MAGI2: variants seen among roughly 807,000 people sequenced by gnomAD.
MAGI2 encodes the protein membrane-associated guanylate kinase, WW and PDZ domain-containing protein 2.
Under a neutral mutation model 133.3 loss-of-function variants are expected in MAGI2, and 35 were observed. That is an observed-to-expected ratio of 0.26 (90% confidence interval 0.20 to 0.35). The LOEUF (loss-of-function observed/expected upper bound fraction) is 0.35. MAGI2 is among the 10% of genes least tolerant of loss of function. MAGI2 has a pLI of 1.00. For synonymous variants in MAGI2, 729 were observed against 710.6 expected (o/e 1.03, Z -0.41); for missense variants, 1,636 against 1,863.4 (o/e 0.88, Z 2.25).
At chr7:78,371,845 A>T (rs1349940502) in intron 6 of MAGI2, among the ~76,000 whole-genome samples, 1 of 152,070 alleles carries the variant, frequency 6.6e-6, no homozygotes, top group Non-Finnish European at 1.5e-5. Flanking sequence ...TGTCATACAC[A>T]TTTGTGTTTT....
chr7:78,635,309 C>A (rs1399015322), intron 2 of MAGI2, among the ~76,000 whole-genome samples: 1 of 152,206 alleles, frequency 6.6e-6, no homozygotes. Flanking sequence ...AAGAAAAGGG[C>A]ATTTGTGGTA....
intron 1 of MAGI2, among the ~76,000 whole-genome samples, chr7:79,060,919 A>C (rs1250410882): frequency 1.3e-5 from 2 of 152,296 alleles, no homozygotes; most frequent in East Asian, 3.9e-4. Context: ...TACTCTGTGG[A>C]TTCAAAAGCC....
At chr7:79,190,008 T>C (rs75456355) in intron 1 of MAGI2, among the ~76,000 whole-genome samples, 8,468 of 151,952 alleles carry the variant, frequency 0.056, 497 homozygotes, top group African/African-American at 0.13. Flanking sequence ...TACCACAGTT[T>C]GTTCATATAT....
At chr7:79,316,943 T>A (rs1225249570) in intron 1 of MAGI2, among the ~76,000 whole-genome samples, 2 of 151,482 alleles carry the variant, frequency 1.3e-5, no homozygotes, top group African/African-American at 4.8e-5. Flanking sequence ...CAGGAGCCCA[T>A]GTTCTTTCTA....
At chr7:79,204,070 G>C (rs1052225807) in intron 1 of MAGI2, among the ~76,000 whole-genome samples, 4 of 152,038 alleles carry the variant, frequency 2.6e-5, no homozygotes, top group African/African-American at 4.8e-5. Flanking sequence ...CCACAGCACA[G>C]AGAGAGATAC....
chr7:78,566,216 G>A (rs1215855311), intron 3 of MAGI2, among the ~76,000 whole-genome samples: 1 of 152,138 alleles, frequency 6.6e-6, no homozygotes, highest in Non-Finnish European at 1.5e-5. Flanking sequence ...GCGTGCTCAG[G>A]AAATGGGAAG....
At chr7:78,261,749 T>C (rs1055077499) in intron 9 of MAGI2, among the ~76,000 whole-genome samples, 2 of 152,180 alleles carry the variant, frequency 1.3e-5, no homozygotes, top group African/African-American at 2.4e-5. Flanking sequence ...GGATTATTTT[T>C]AAAGTTTCCT....
At chr7:78,796,291 A>G (rs1481791042) in intron 2 of MAGI2, among the ~76,000 whole-genome samples, 1 of 152,184 alleles carries the variant, frequency 6.6e-6, no homozygotes, top group African/African-American at 2.4e-5. Context: ...TCAGTAGTAA[A>G]AAAGCAAATA....
chr7:79,450,633 T>C (rs904445831), intron 1 of MAGI2, among the ~76,000 whole-genome samples: 3 of 152,082 alleles, frequency 2.0e-5, no homozygotes, highest in Admixed American at 6.6e-5. Flanking sequence ...AATATATCAC[T>C]TTAGAAGCAT....
chr7:78,667,523 A>G (rs1813754449), intron 2 of MAGI2, among the ~76,000 whole-genome samples: 1 of 151,174 alleles, frequency 6.6e-6, no homozygotes, highest in Non-Finnish European at 1.5e-5. Flanking sequence ...TATATCTCCT[A>G]ATGCTATCCC....
chr7:78,395,826 G>A (rs1796300978), intron 6 of MAGI2, among the ~76,000 whole-genome samples: 2 of 152,126 alleles, frequency 1.3e-5, no homozygotes, highest in Admixed American at 6.6e-5. Context: ...CATCTTAAAT[G>A]TTTCTTTTGG....
intron 6 of MAGI2, among the ~76,000 whole-genome samples, chr7:78,381,184 T>C (rs1271294974): frequency 2.0e-5 from 3 of 152,074 alleles, no homozygotes; most frequent in Non-Finnish European, 4.4e-5. Context: ...TTGTCTCTAC[T>C]AAAAATACAA....
chr7:79,052,051 T>C (rs1478244102), intron 1 of MAGI2, among the ~76,000 whole-genome samples: 1 of 152,018 alleles, frequency 6.6e-6, no homozygotes, highest in Non-Finnish European at 1.5e-5. Flanking sequence ...ACACTCCCAA[T>C]AGCACACCCT....
intron 3 of MAGI2, among the ~76,000 whole-genome samples, chr7:78,594,168 G>A (rs539741370): frequency 6.6e-6 from 1 of 152,264 alleles, no homozygotes; most frequent in South Asian, 2.1e-4. Flanking sequence ...TGTTGAAGCT[G>A]CTCTCAGTTT....
chr7:78,456,815 G>A (rs1789368429), intron 6 of MAGI2: 1 of 152,174 alleles, frequency 6.6e-6, no homozygotes, highest in Non-Finnish European at 1.5e-5. Context: ...AGGGAGTCTA[G>A]TGGAGAGTAT....
chr7:78,783,282 A>G (rs1035871645), intron 2 of MAGI2, among the ~76,000 whole-genome samples: 1 of 152,130 alleles, frequency 6.6e-6, no homozygotes, highest in Non-Finnish European at 1.5e-5. Flanking sequence ...AGATTTCAGT[A>G]TCTTTTACTA....
chr7:79,012,889 C>G (rs971193793), intron 1 of MAGI2, among the ~76,000 whole-genome samples: 5 of 152,176 alleles, frequency 3.3e-5, no homozygotes, highest in African/African-American at 1.2e-4. Flanking sequence ...AAATGGCCAT[C>G]TTCTCATTAT....
chr7:79,072,473 T>C (rs948545698), intron 1 of MAGI2, among the ~76,000 whole-genome samples: 2 of 152,214 alleles, frequency 1.3e-5, no homozygotes, highest in Admixed American at 1.3e-4. Context: ...TTTTGTAATA[T>C]TGTCTTCTTA....
At chr7:79,309,179 A>T (rs1380127668) in intron 1 of MAGI2, among the ~76,000 whole-genome samples, 1 of 151,884 alleles carries the variant, frequency 6.6e-6, no homozygotes, top group African/African-American at 2.4e-5. Flanking sequence ...ATTCTAATGC[A>T]TTTCTCTTTT....
Sources: allele counts gnomAD v4.1 joint callset (sites outside exome capture counted in the v4.1 genomes callset), GRCh38; gene constraint gnomAD v4.1.1; transcripts MANE v1.5; gene names NCBI Gene and HGNC (gene_info 2026-07-23, HGNC 2026-07-21).